Variants in RABGAP1 observed in about 807,000 individuals in gnomAD.
RABGAP1 encodes the protein RAB GTPase activating protein 1, also known as rab GTPase-activating protein 1.
In RABGAP1, 23 loss-of-function variants were observed where a neutral mutation model predicts 137.6. The ratio of observed to expected loss-of-function variants is 0.17; its 90% CI spans 0.12 to 0.24. The LOEUF (loss-of-function observed/expected upper bound fraction) is 0.24, where lower values mean the gene tolerates loss of function less well. Ranked by LOEUF, RABGAP1 falls within the 10% of genes least tolerant of loss-of-function variation. RABGAP1 has a pLI of 1.00. For missense variants in RABGAP1, 906 were observed against 1,275.8 expected (o/e 0.71, Z 4.42); for synonymous variants, 451 against 450.7 (o/e 1.00, Z -0.01).
intron 12 of RABGAP1, among the ~76,000 whole-genome samples, chr9:123,019,949 G>T (rs2131923750): frequency 6.6e-6 from 1 of 152,034 alleles, no homozygotes; most frequent in Middle Eastern, 3.4e-3. Context: ...CTCCCAAAGT[G>T]CTGGGATTAC....
chr9:122,977,082 T>C (rs1001692220), intron 2 of RABGAP1, among the ~76,000 whole-genome samples: 30 of 152,346 alleles, frequency 2.0e-4, no homozygotes, highest in Admixed American at 1.6e-3. Context: ...ATTTGGGCTT[T>C]ATCTTGTGGG....
At chr9:123,071,927 G>C (rs971648091) in intron 15 of RABGAP1, among the ~76,000 whole-genome samples, 1 of 152,170 alleles carries the variant, frequency 6.6e-6, no homozygotes, top group Non-Finnish European at 1.5e-5. Context: ...TGAGTGACTG[G>C]GAGTTGAGGA....
At chr9:123,073,770 G>A in intron 16 of RABGAP1, 93 bp downstream of exon 16, 1 of 1,518,376 alleles carries the variant, frequency 6.6e-7, no homozygotes, top group Non-Finnish European at 8.9e-7. Flanking sequence ...ATTGGTAATT[G>A]CCTTAGCGAT....
the RABGAP1 span, among the ~76,000 whole-genome samples, chr9:122,932,449 A>G: frequency 6.6e-6 from 1 of 152,138 alleles, no homozygotes; most frequent in Non-Finnish European, 1.5e-5. Flanking sequence ...TGTTTTCACT[A>G]CAGCTCATAA....
intron 12 of RABGAP1, among the ~76,000 whole-genome samples, chr9:123,016,034 G>A (rs1314367795): frequency 6.6e-6 from 1 of 152,124 alleles, no homozygotes; most frequent in Non-Finnish European, 1.5e-5. Context: ...TCTGTGATAA[G>A]TATCTAGAAT....
At chr9:123,055,608 G>A (rs998566886) in intron 13 of RABGAP1, among the ~76,000 whole-genome samples, 1 of 147,596 alleles carries the variant, frequency 6.8e-6, no homozygotes, top group African/African-American at 2.5e-5. Flanking sequence ...GGAGTGCAGT[G>A]GTGTGATCTT....
chr9:122,995,930 C>T, intron 6 of RABGAP1, 111 bp from the exon 7 acceptor site: 1 of 1,454,704 alleles, frequency 6.9e-7, no homozygotes, highest in Non-Finnish European at 9.0e-7. Flanking sequence ...TTATTATTTG[C>T]AAACTAGGCA....
At chr9:123,039,141 A>T (rs770448700) in intron 13 of RABGAP1, among the ~76,000 whole-genome samples, 1 of 152,168 alleles carries the variant, frequency 6.6e-6, no homozygotes, top group Non-Finnish European at 1.5e-5. Flanking sequence ...ATACATCATG[A>T]TGTGTTCCCC....
At chr9:123,027,252 A>T (rs546661853) in intron 13 of RABGAP1, among the ~76,000 whole-genome samples, 1 of 151,840 alleles carries the variant, frequency 6.6e-6, no homozygotes, top group Admixed American at 6.6e-5. Context: ...AGTAGCTGGG[A>T]CTACAGGCAT....
chr9:123,045,866 A>G (rs938175864), intron 13 of RABGAP1, among the ~76,000 whole-genome samples: 1 of 152,222 alleles, frequency 6.6e-6, no homozygotes, highest in Non-Finnish European at 1.5e-5. Flanking sequence ...AGGTACTATC[A>G]CATCTAAAGT....
intron 25 of RABGAP1, 95 bp downstream of exon 25, chr9:123,101,858 C>T (rs2132252866): frequency 1.5e-6 from 2 of 1,305,906 alleles, no homozygotes; most frequent in South Asian, 3.5e-5. Context: ...TGGGGTTTTT[C>T]CACACCTTTT....
At chr9:123,039,570 TAATA>T (rs1229436424) in intron 13 of RABGAP1, among the ~76,000 whole-genome samples, 1 of 152,198 alleles carries the variant, frequency 6.6e-6, no homozygotes, top group Non-Finnish European at 1.5e-5. Context: ...AGATTTTAAA[TAATA>T]AATAATATCT....
In RABGAP1 at chr9:123,015,540, T is replaced by C. The variant is rs1291308403; in HGVS notation, c.1550-3T>C. ...CCGTTTTTGTGTGTTTTGTTTATTA[T>C]AGATAATGATGAACCTCTCCTGAGT... On this transcript the variant is annotated splice_region_variant and splice_polypyrimidine_tract_variant and intron_variant, in intron 11 of 25. Transcript: ENST00000373647. 2.5e-6 allele frequency: 4 copies of C among 1,594,430 alleles called. No homozygotes were observed. The highest frequency in any genetic ancestry group is 2.2e-5 in the South Asian group (2 of 89,180).
chr9:123,051,953 G>A (rs997728812), intron 13 of RABGAP1, among the ~76,000 whole-genome samples: 23 of 137,812 alleles, frequency 1.7e-4, no homozygotes, highest in Non-Finnish European at 1.6e-4. Flanking sequence ...CACCACGCCC[G>A]GCTAATTTTT....
chr9:123,010,288 C>A, intron 10 of RABGAP1, 66 bp from the exon 11 acceptor site: 1 of 1,381,162 alleles, frequency 7.2e-7, no homozygotes, highest in East Asian at 2.3e-5. Flanking sequence ...ACATTAAAAA[C>A]ACTGCAATTA....
At chr9:122,995,940 A>C in intron 6 of RABGAP1, 101 bp from the exon 7 acceptor site, 1 of 1,474,244 alleles carries the variant, frequency 6.8e-7, no homozygotes, top group Admixed American at 2.6e-5. Flanking sequence ...CAAACTAGGC[A>C]CAGAAAAGAA....
intron 13 of RABGAP1, among the ~76,000 whole-genome samples, chr9:123,055,635 C>T (rs1277999678): frequency 6.7e-6 from 1 of 148,380 alleles, no homozygotes; most frequent in South Asian, 2.1e-4. Context: ...CTGCAACTTG[C>T]GCCTCCTGGG....
intron 24 of RABGAP1, among the ~76,000 whole-genome samples, chr9:123,100,828 C>T (rs1367097347): frequency 6.6e-6 from 1 of 152,178 alleles, no homozygotes; most frequent in Non-Finnish European, 1.5e-5. Context: ...CCTTATGATC[C>T]ATTTTCCACA....
At chr9:122,938,643 A>C (rs1226006729), upstream of RABGAP1, 12 of 152,208 alleles carry the variant, frequency 7.9e-5, no homozygotes, top group Non-Finnish European at 1.5e-5. Context: ...ACTCTGTAAG[A>C]TACAATAAAT....
Sources: allele counts gnomAD v4.1 joint callset (sites outside exome capture counted in the v4.1 genomes callset), GRCh38; gene constraint gnomAD v4.1.1; transcripts MANE v1.5; gene names NCBI Gene and HGNC (gene_info 2026-07-23, HGNC 2026-07-21).